The following DHRS7B variants were observed in gnomAD, a reference collection of about 807,000 sequenced individuals.
The protein encoded by DHRS7B is peroxisomal reductase activating PPAR-gamma.
DHRS7B carries 24 observed loss-of-function variants against 26.4 expected under a neutral mutation model. The observed-to-expected ratio is 0.91, with a 90% CI of 0.66 to 1.28. DHRS7B has a LOEUF of 1.28. Ranked by LOEUF, DHRS7B falls within the 50% of genes most tolerant of loss-of-function variation. DHRS7B has a pLI of 0.00. For missense variants in DHRS7B, 368 were observed against 419.4 expected (o/e 0.88, Z 1.07); for synonymous variants, 142 against 166.4 (o/e 0.85, Z 1.13).
chr17:21,188,339 T>G (rs1399315730), intron 5 of DHRS7B, among the ~76,000 whole-genome samples: 1 of 152,164 alleles, frequency 6.6e-6, no homozygotes, highest in Non-Finnish European at 1.5e-5. Flanking sequence ...AATTTATAAT[T>G]TTTTTCCTGA....
At chr17:21,190,769 C>T (rs1393798961) in intron 6 of DHRS7B, among the ~76,000 whole-genome samples, 179 bp from the exon 7 acceptor site, 1 of 152,250 alleles carries the variant, frequency 6.6e-6, no homozygotes, top group East Asian at 1.9e-4. Context: ...AAATGGTTCC[C>T]TCTTTCCTTG....
At position 21,138,091 on chromosome 17, in the gene DHRS7B, T is replaced by TACACACAC. The variant is rs1207234984; in HGVS notation, c.20+11101_20+11102insCACACACA. On this transcript the variant is annotated intron_variant, in intron 1 of 6. Transcript: ENST00000395511. ...TAAAAAAAAAATATATATATATATA[T>TACACACAC]ATATATATATACACACACACACACA... Among the ~76,000 whole-genome samples, 103 of 53,384 alleles carry TACACACAC rather than the reference T, an allele frequency of 1.9e-3. 2 individuals are homozygous for TACACACAC. The highest frequency in any genetic ancestry group is 6.7e-3 in the East Asian group (20 of 2,984). 35.0% of individuals were successfully genotyped at this position (53,384 alleles called of 152,430 possible). A position where few individuals can be genotyped will look rare whatever the true frequency, so the allele number is the denominator to read the frequency against.
chr17:21,186,345 G>C lies in DHRS7B; in HGVS notation c.619+1882G>C, dbSNP rs966188081. Among the ~76,000 whole-genome samples, 3 of 152,256 alleles carry C rather than the reference G, an allele frequency of 2.0e-5. No individual in the cohort carries two copies. In the South Asian group the frequency reaches 6.2e-4, roughly 31 times the overall value. The stretch of plus-strand genomic sequence containing the variant: ...CTGGCTGAGAACTCACAGCCTGAGA[G>C]CTCTGGGGAGACCCAGCTGTCAGAG... On this transcript the variant is annotated intron_variant, in intron 5 of 6. Coordinates refer to ENST00000395511, the MANE Select transcript of DHRS7B (RefSeq NM_015510.5).
At chr17:21,174,228 C>T (rs546093151) in intron 2 of DHRS7B, among the ~76,000 whole-genome samples, 2 of 152,344 alleles carry the variant, frequency 1.3e-5, no homozygotes, top group South Asian at 2.1e-4. Context: ...TGTCAGCCAC[C>T]CGGAAGGTTT....
intron 1 of DHRS7B, 39 bp from the exon 2 acceptor site, chr17:21,171,979 C>T: frequency 1.2e-6 from 2 of 1,613,508 alleles, no homozygotes. Flanking sequence ...CTGAACTCTG[C>T]TACTTTGTCA....
chr17:21,179,762 C>CTTTTTTTTTTTTTTTTTTTTTT (rs55928399), intron 3 of DHRS7B, among the ~76,000 whole-genome samples: 2 of 137,606 alleles, frequency 1.5e-5, no homozygotes, highest in Non-Finnish European at 1.6e-5. Context: ...TTTTCACTTT[C>CTTTTTTTTTTTTTTTTTTTTTT]TTTTTTTTTT....
intron 1 of DHRS7B, among the ~76,000 whole-genome samples, chr17:21,136,279 G>C (rs978338543): frequency 3.3e-5 from 5 of 151,052 alleles, no homozygotes; most frequent in Admixed American, 6.6e-5. Flanking sequence ...TCCAGCCTGG[G>C]CAACAAGAGC....
chr17:21,179,476 C>T (rs1449938843), intron 3 of DHRS7B, among the ~76,000 whole-genome samples: 2 of 151,960 alleles, frequency 1.3e-5, no homozygotes, highest in Admixed American at 6.6e-5. Flanking sequence ...GGTGCATGCC[C>T]GTAGTCCCAA....
intron 1 of DHRS7B, among the ~76,000 whole-genome samples, chr17:21,140,479 T>TACACACAC (rs4020775): frequency 0.051 from 4,262 of 83,620 alleles, 282 homozygotes; most frequent in East Asian, 0.07. Context: ...GCCTTTTAAA[T>TACACACAC]ACACACACAC....
chr17:21,158,773 G>T (rs939552989), intron 1 of DHRS7B, among the ~76,000 whole-genome samples: 1 of 152,066 alleles, frequency 6.6e-6, no homozygotes, highest in African/African-American at 2.4e-5. Context: ...GAGGACTGAC[G>T]CTACCTGACT....
chr17:21,155,832 T>C (rs1973867499), intron 1 of DHRS7B, among the ~76,000 whole-genome samples: 1 of 152,088 alleles, frequency 6.6e-6, no homozygotes, highest in Non-Finnish European at 1.5e-5. Context: ...ATCCCCCAAA[T>C]AGTTAGTGAT....
chr17:21,182,124 A>G (rs138406709), intron 3 of DHRS7B, among the ~76,000 whole-genome samples: 1 of 152,286 alleles, frequency 6.6e-6, no homozygotes, highest in Non-Finnish European at 1.5e-5. Context: ...TAGTTTATTG[A>G]GTATGTTTAC....
intron 5 of DHRS7B, among the ~76,000 whole-genome samples, chr17:21,187,112 T>TATATATATATAA (rs1283365408): frequency 6.8e-6 from 1 of 146,702 alleles, no homozygotes; most frequent in African/African-American, 2.6e-5. Flanking sequence ...TATATATATA[T>TATATATATATAA]AAAATATATA....
intron 1 of DHRS7B, among the ~76,000 whole-genome samples, chr17:21,149,581 T>G (rs1266959373): frequency 2.6e-5 from 4 of 152,044 alleles, no homozygotes; most frequent in Non-Finnish European, 4.4e-5. Context: ...TAATATAAAA[T>G]TATGTAAATT....
chr17:21,186,612 C>T (rs528618105), intron 5 of DHRS7B, among the ~76,000 whole-genome samples: 1 of 152,358 alleles, frequency 6.6e-6, no homozygotes, highest in East Asian at 1.9e-4. Context: ...TTCTTTCTGT[C>T]TTCCTGTTTC....
At chr17:21,171,935 A>G in intron 1 of DHRS7B, 83 bp from the exon 2 acceptor site, 1 of 1,538,104 alleles carries the variant, frequency 6.5e-7, no homozygotes, top group South Asian at 1.1e-5. Context: ...TCTGGGATTC[A>G]TATCAGATGA....
Position 21,191,233 on chromosome 17 carries a change from G to C in DHRS7B, c.*80G>C. On this transcript the variant is annotated 3_prime_UTR_variant, in exon 7 of 7. Transcript: ENST00000395511. ...TCTACAAGGGACAGTTGCATTTGTT[G>C]AGACTTTAATGGAGATTTGTCTCAC... is the stretch of plus-strand genomic sequence containing the variant. 7.0e-6 allele frequency: 10 copies of C among 1,432,008 alleles called. No homozygotes were observed. Among genetic ancestry groups the C allele is most frequent in the Non-Finnish European group, 9.7e-6 (10 of 1,029,870 alleles). The allele number at this position is 1,432,008 out of a possible 1,614,324, so 88.7% of individuals were successfully genotyped here.
chr17:21,148,536 G>C (rs1973690747), intron 1 of DHRS7B, among the ~76,000 whole-genome samples: 1 of 152,056 alleles, frequency 6.6e-6, no homozygotes, highest in South Asian at 2.1e-4. Flanking sequence ...TTTAAGTCAG[G>C]AGTTCGAGAC....
intron 3 of DHRS7B, among the ~76,000 whole-genome samples, chr17:21,182,945 A>C (rs1196548620): frequency 6.6e-6 from 1 of 152,224 alleles, no homozygotes; most frequent in Non-Finnish European, 1.5e-5. Context: ...TTTCTAGAAG[A>C]GTACAGGAAG....
Sources: allele counts gnomAD v4.1 joint callset (sites outside exome capture counted in the v4.1 genomes callset), GRCh38; gene constraint gnomAD v4.1.1; transcripts MANE v1.5; gene names NCBI Gene and HGNC (gene_info 2026-07-23, HGNC 2026-07-21).